The following STRN variants were observed in gnomAD, a reference collection of about 807,000 sequenced individuals.
STRN encodes protein phosphatase 2 regulatory subunit B'''alpha.
A neutral mutation model predicts 96.3 loss-of-function variants in STRN; 53 were observed. That is an observed-to-expected ratio of 0.55 (90% CI 0.44 to 0.69). STRN has a LOEUF of 0.69. STRN is among the 30% of genes least tolerant of loss of function. The pLI, the probability that STRN is intolerant of heterozygous loss-of-function variation, is 0.00. For missense variants in STRN, 987 were observed against 963.9 expected (o/e 1.02, Z -0.32); for synonymous variants, 428 against 355.9 (o/e 1.20, Z -2.28).
At chr2:36,851,648 G>C (rs748538384) in intron 15 of STRN, among the ~76,000 whole-genome samples, 19 of 152,070 alleles carry the variant, frequency 1.2e-4, no homozygotes, top group Non-Finnish European at 2.8e-4. Flanking sequence ...CTATATGTGG[G>C]TGCCATCTAT....
chr2:36,847,758 A>T lies in STRN; in HGVS notation c.*1698T>A, dbSNP rs1247849779. The stretch of plus-strand genomic sequence containing the variant: ...CAGAAATTTTACAGAAATATTTGTC[A>T]ATCATTAGCCACACCACCACCAGAA... On this transcript the variant is annotated 3_prime_UTR_variant, in exon 18 of 18. Coordinates refer to ENST00000263918, the MANE Select transcript of STRN (RefSeq NM_003162.4). 2 of 152,188 alleles carry T rather than the reference A, an allele frequency of 1.3e-5. No homozygotes were observed. The highest frequency in any genetic ancestry group is 2.9e-5 in the Non-Finnish European group (2 of 68,024). The allele number at this position is 152,188 out of a possible 1,614,324, so 9.4% of individuals were successfully genotyped here. A position where few individuals can be genotyped will look rare whatever the true frequency, so the allele number is the denominator to read the frequency against.
At chr2:36,858,416 G>C in intron 13 of STRN, among the ~76,000 whole-genome samples, 1 of 152,164 alleles carries the variant, frequency 6.6e-6, no homozygotes, top group East Asian at 1.9e-4. Flanking sequence ...CTCCCTCTCT[G>C]AAGTCCCTTA....
chr2:36,935,227 A>G (rs1032142703), intron 1 of STRN, among the ~76,000 whole-genome samples: 1 of 152,034 alleles, frequency 6.6e-6, no homozygotes, highest in Admixed American at 6.6e-5. Flanking sequence ...TCATTTTCGG[A>G]TTCTACCAAT....
intron 15 of STRN, among the ~76,000 whole-genome samples, chr2:36,851,438 G>T (rs986469721): frequency 6.6e-6 from 1 of 152,178 alleles, no homozygotes; most frequent in Non-Finnish European, 1.5e-5. Context: ...AGCCGAGATC[G>T]TGCCACTGCA....
chr2:36,890,353 G>A (rs191745371), intron 7 of STRN, among the ~76,000 whole-genome samples: 67 of 152,100 alleles, frequency 4.4e-4, no homozygotes, highest in African/African-American at 1.5e-3. Context: ...TTGGTACCAT[G>A]ACAGAGTCCC....
At chr2:36,897,536 C>T (rs897288312) in intron 6 of STRN, among the ~76,000 whole-genome samples, 4 of 151,418 alleles carry the variant, frequency 2.6e-5, no homozygotes, top group African/African-American at 9.8e-5. Context: ...CCTGGGTTCA[C>T]GCCATTCTCC....
At chr2:36,905,136 A>C (rs1669789466) in intron 4 of STRN, among the ~76,000 whole-genome samples, 1 of 151,914 alleles carries the variant, frequency 6.6e-6, no homozygotes, top group South Asian at 2.1e-4. Context: ...CGCCCGGCTA[A>C]TTTTGTGTTT....
chr2:36,860,202 A>G (rs778696991), intron 13 of STRN, among the ~76,000 whole-genome samples: 1 of 152,206 alleles, frequency 6.6e-6, no homozygotes, highest in Non-Finnish European at 1.5e-5. Flanking sequence ...AGTCGCAAAG[A>G]GACAGAGAGA....
intron 3 of STRN, among the ~76,000 whole-genome samples, chr2:36,913,594 T>C (rs1327214667): frequency 3.3e-5 from 5 of 152,216 alleles, no homozygotes; most frequent in South Asian, 2.1e-4. Context: ...TCATATGTCA[T>C]TGTAATCACT....
At chr2:36,880,333 G>A (rs934918384) in intron 9 of STRN, among the ~76,000 whole-genome samples, 14 of 152,150 alleles carry the variant, frequency 9.2e-5, no homozygotes, top group African/African-American at 3.1e-4. Flanking sequence ...TAGCTAACTG[G>A]AAGGCTTGAG....
At chr2:36,888,518 T>C (rs1669298765) in intron 7 of STRN, among the ~76,000 whole-genome samples, 1 of 152,136 alleles carries the variant, frequency 6.6e-6, no homozygotes, top group South Asian at 2.1e-4. Context: ...TTGCACTGGC[T>C]TTCTTCTTCC....
rs748018019 is a variant in STRN at position 36,849,705 on chromosome 2, G to C, written c.2173+9C>G. The C allele has an allele frequency of 1.9e-6, 3 of 1,613,856 alleles. No individual in the cohort carries two copies. The highest frequency in any genetic ancestry group is 2.5e-6 in the Non-Finnish European group (3 of 1,179,874). On this transcript the variant is annotated intron_variant, in intron 17 of 17. Transcript: ENST00000263918. The stretch of plus-strand genomic sequence containing the variant: ...GGACAAATAAATAATCCATAGTTGA[G>C]GTACTTACTGCCAGACATCAAGTAA...
At chr2:36,962,750 G>T (rs542612778) in intron 1 of STRN, among the ~76,000 whole-genome samples, 1 of 152,048 alleles carries the variant, frequency 6.6e-6, no homozygotes, top group Non-Finnish European at 1.5e-5. Flanking sequence ...CTCACGATCC[G>T]CCTGCCTTGG....
At chr2:36,906,493 G>A (rs202167009) in intron 3 of STRN, among the ~76,000 whole-genome samples, 4 of 83,072 alleles carry the variant, frequency 4.8e-5, no homozygotes, top group East Asian at 3.7e-4. Flanking sequence ...GAATGAATGA[G>A]TAACAAATAA....
chr2:36,905,733 C>A, intron 3 of STRN, 115 bp from the exon 4 acceptor site: 1 of 858,446 alleles, frequency 1.2e-6, no homozygotes, highest in Non-Finnish European at 1.9e-6. Flanking sequence ...AAAACTGCAA[C>A]TGTAAGGTAT....
rs1209773631 is a variant in STRN at position 36,855,206 on chromosome 2, G to A, written c.1978+6C>T. 1 of 1,612,362 alleles carries A rather than the reference G, an allele frequency of 6.2e-7. No homozygotes were observed. The highest frequency in any genetic ancestry group is 2.2e-5 in the East Asian group (1 of 44,822). On this transcript the variant is annotated splice_donor_region_variant and intron_variant, in intron 15 of 17. Coordinates refer to ENST00000263918, the MANE Select transcript of STRN (RefSeq NM_003162.4). The stretch of plus-strand genomic sequence containing the variant: ...AACACAGACAATTTAAAATTGGTAT[G>A]CATACTTGTATCTACATTGGATTCT...
chr2:36,943,179 T>C (rs543301121), intron 1 of STRN, among the ~76,000 whole-genome samples: 7 of 151,886 alleles, frequency 4.6e-5, no homozygotes, highest in South Asian at 4.2e-4. Context: ...AAATGTAACA[T>C]AGAAGGAAAA....
intron 1 of STRN, among the ~76,000 whole-genome samples, chr2:36,954,413 G>A (rs915768088): frequency 5.3e-5 from 8 of 151,368 alleles, no homozygotes; most frequent in Admixed American, 2.0e-4. Flanking sequence ...TTGGGAGGCT[G>A]AGGCAGGAGA....
chr2:36,851,437 C>A (rs974903232), intron 15 of STRN, among the ~76,000 whole-genome samples: 1 of 151,862 alleles, frequency 6.6e-6, no homozygotes, highest in African/African-American at 2.4e-5. Context: ...GAGCCGAGAT[C>A]GTGCCACTGC....
Sources: allele counts gnomAD v4.1 joint callset (sites outside exome capture counted in the v4.1 genomes callset), GRCh38; gene constraint gnomAD v4.1.1; transcripts MANE v1.5; gene names NCBI Gene and HGNC (gene_info 2026-07-23, HGNC 2026-07-21).